Variants in TXNL1 observed in about 807,000 individuals in gnomAD.
TXNL1 encodes the protein thioredoxin-like protein 1.
A neutral mutation model predicts 35.5 loss-of-function variants in TXNL1; 14 were observed. The ratio of observed to expected loss-of-function variants is 0.39; its 90% CI spans 0.26 to 0.62. The LOEUF (loss-of-function observed/expected upper bound fraction) is 0.62, where lower values mean the gene tolerates loss of function less well. Ranked by LOEUF, TXNL1 falls within the 20% of genes least tolerant of loss-of-function variation. The pLI is 0.47. For missense variants in TXNL1, 263 were observed against 349.7 expected (o/e 0.75, Z 1.98); for synonymous variants, 110 against 115.5 (o/e 0.95, Z 0.31).
At chr18:56,638,034 C>G (rs1029987) in intron 1 of TXNL1, among the ~76,000 whole-genome samples, 92,163 of 152,068 alleles carry the variant, frequency 0.61, 32,967 homozygotes, top group Non-Finnish European at 0.78. Context: ...CGGAGACTCC[C>G]ACAGGCTGGA....
At chr18:56,625,573 T>C (rs1353001102) in intron 2 of TXNL1, among the ~76,000 whole-genome samples, 4 of 152,248 alleles carry the variant, frequency 2.6e-5, no homozygotes, top group South Asian at 2.1e-4. Context: ...ATTCTAGAAA[T>C]AGTGATTAAA....
Position 56,610,864 on chromosome 18 carries a change from G to A in TXNL1, c.840+129C>T, listed in dbSNP as rs969183012. On this transcript the variant is annotated intron_variant, in intron 7 of 7. Transcript: ENST00000217515. ...GAACTTTCTATCCTAGTTTAGCCTT[G>A]TAAAATTTCATGACATGATATAATT... is the stretch of plus-strand genomic sequence containing the variant. The A allele has an allele frequency of 3.2e-5, 19 of 597,286 alleles. No homozygotes were observed. The African/African-American group carries it at 3.7e-4, about 12-fold the overall frequency. The allele number at this position is 597,286 out of a possible 1,614,324, so 37.0% of individuals were successfully genotyped here.
At position 56,597,623 on chromosome 18, in the gene TXNL1, T is replaced by TA. The variant is rs1047197185; in HGVS notation, c.*5403dup. 6.6e-6 allele frequency: 1 copy of TA among 152,240 alleles called. No individual in the cohort carries two copies. Among genetic ancestry groups the TA allele is most frequent in the Non-Finnish European group, 1.5e-5 (1 of 68,040 alleles). 9.4% of individuals were successfully genotyped at this position (152,240 alleles called of 1,614,324 possible). ...GGTTCCTCTTTTCCCAATTCTTTAA[T>TA]ATTTCTTAGGATTCCCTAACATTTG... On this transcript the variant is annotated 3_prime_UTR_variant, in exon 8 of 8. Coordinates refer to ENST00000217515, the MANE Select transcript of TXNL1 (RefSeq NM_004786.3).
At chr18:56,614,191 T>C (rs2024045169) in intron 6 of TXNL1, among the ~76,000 whole-genome samples, 1 of 152,160 alleles carries the variant, frequency 6.6e-6, no homozygotes, top group Non-Finnish European at 1.5e-5. Flanking sequence ...AAACTTACCA[T>C]ATACATATAA....
intron 7 of TXNL1, among the ~76,000 whole-genome samples, chr18:56,605,025 T>A (rs1216009983): frequency 2.9e-5 from 4 of 138,590 alleles, no homozygotes; most frequent in Non-Finnish European, 4.7e-5. Context: ...TATGAAACAG[T>A]AGAAAGTAAA....
intron 3 of TXNL1, among the ~76,000 whole-genome samples, chr18:56,622,483 C>A (rs1392379638): frequency 6.6e-6 from 1 of 152,076 alleles, no homozygotes. Context: ...AATTTAAATA[C>A]TGAATAACCC....
chr18:56,601,802 G>C lies in TXNL1; in HGVS notation c.*1225C>G, dbSNP rs923114701. ...TTAAAAATAGTTTTCAAAATACTCA[G>C]AAATTTTAAAATTAAAACTACCAAT... On this transcript the variant is annotated 3_prime_UTR_variant, in exon 8 of 8. Transcript: ENST00000217515. The C allele has an allele frequency of 6.6e-6, 1 of 152,082 alleles. No homozygotes were observed. The highest frequency in any genetic ancestry group is 6.5e-5 in the Admixed American group (1 of 15,280). 9.4% of individuals were successfully genotyped at this position (152,082 alleles called of 1,614,324 possible). A position where few individuals can be genotyped will look rare whatever the true frequency, so the allele number is the denominator to read the frequency against.
rs570419975 is a variant in TXNL1 at position 56,598,751 on chromosome 18, T to C, written c.*4276A>G. ...AGAAGATACTTATCCTTGTTCCAGA[T>C]ACAAAGTAAGGCGCATCTTCAGAAC... is the stretch of plus-strand genomic sequence containing the variant. On this transcript the variant is annotated 3_prime_UTR_variant, in exon 8 of 8. Coordinates refer to ENST00000217515, the MANE Select transcript of TXNL1 (RefSeq NM_004786.3). The C allele has an allele frequency of 4.6e-5, 7 of 152,188 alleles. No homozygotes were observed. The highest frequency in any genetic ancestry group is 4.4e-5 in the Non-Finnish European group (3 of 68,032). 9.4% of individuals were successfully genotyped at this position (152,188 alleles called of 1,614,324 possible).
chr18:56,604,617 T>C (rs1012142633), intron 7 of TXNL1: 3 of 152,184 alleles, frequency 2.0e-5, no homozygotes, highest in African/African-American at 7.2e-5. Flanking sequence ...GTAAAAAATA[T>C]TTATTCAGTA....
At chr18:56,622,177 T>C (rs190591070) in intron 3 of TXNL1, among the ~76,000 whole-genome samples, 550 of 152,158 alleles carry the variant, frequency 3.6e-3, no homozygotes, top group Non-Finnish European at 5.4e-3. Flanking sequence ...AAATGTTCAA[T>C]AGACAAGTGT....
chr18:56,619,738 T>C (rs1476677801), intron 3 of TXNL1, among the ~76,000 whole-genome samples: 1 of 152,104 alleles, frequency 6.6e-6, no homozygotes, highest in African/African-American at 2.4e-5. Context: ...TTAACAGCGG[T>C]TGGTCATGCT....
At chr18:56,618,286 T>A (rs760759908) in intron 3 of TXNL1, among the ~76,000 whole-genome samples, 160 bp from the exon 4 acceptor site, 57 of 152,078 alleles carry the variant, frequency 3.7e-4, no homozygotes, top group Admixed American at 3.7e-3. Context: ...CATTTCTGAC[T>A]GAGATCTACC....
chr18:56,619,735 C>T (rs994256542), intron 3 of TXNL1, among the ~76,000 whole-genome samples: 14 of 152,074 alleles, frequency 9.2e-5, no homozygotes, highest in African/African-American at 2.7e-4. Flanking sequence ...GTGTTAACAG[C>T]GGTTGGTCAT....
At position 56,602,844 on chromosome 18, in the gene TXNL1, C is replaced by CT. The variant is rs1465400908; in HGVS notation, c.*182dup. On this transcript the variant is annotated 3_prime_UTR_variant, in exon 8 of 8. Transcript: ENST00000217515. Reference sequence around the variant, plus strand: ...AAATTAAGCTTGGCAAAAGTGGTGACTTTTATTTACAATTGCATGTGTCAA... The same window carrying CT: ...AAATTAAGCTTGGCAAAAGTGGTGACTTTTTATTTACAATTGCATGTGTCAA... The CT allele has an allele frequency of 2.9e-6, 2 of 688,634 alleles. No individual in the cohort carries two copies. Among genetic ancestry groups the CT allele is most frequent in the African/African-American group, 1.8e-5 (1 of 54,242 alleles). 42.7% of individuals were successfully genotyped at this position (688,634 alleles called of 1,614,324 possible).
At chr18:56,628,445 A>G (rs1568108060) in intron 1 of TXNL1, among the ~76,000 whole-genome samples, 1 of 152,216 alleles carries the variant, frequency 6.6e-6, no homozygotes, top group African/African-American at 2.4e-5. Context: ...TCTTATCAAC[A>G]AAAGAATGGG....
At chr18:56,626,241 T>C in intron 2 of TXNL1, 120 bp downstream of exon 2, 1 of 1,459,492 alleles carries the variant, frequency 6.9e-7, no homozygotes, top group Non-Finnish European at 9.0e-7. Flanking sequence ...CAACATAACA[T>C]CTTCCTATCT....
In TXNL1 at chr18:56,624,391, T is replaced by G; in HGVS notation, c.266A>C (p.Asp89Ala). Reference protein sequence around the residue: ...FLFFRNKVRIDQYQGADAVGL... With the variant: ...FLFFRNKVRIAQYQGADAVGL... ...CACAGCATCTGCTCCTTGATATTGA[T>G]CAATTCTCACTTTGTTTCGAAAAAA... Residue 89 changes from aspartate to alanine, a missense_variant, in exon 3 of 8, where the codon GAT (aspartate) becomes GCT (alanine). Asp to Ala is a moderately radical substitution (Grantham distance 126). Coordinates refer to ENST00000217515, the MANE Select transcript of TXNL1 (RefSeq NM_004786.3). The G allele has an allele frequency of 6.2e-7, 1 of 1,613,908 alleles. No homozygotes were observed. Among genetic ancestry groups the G allele is most frequent in the Non-Finnish European group, 8.5e-7 (1 of 1,179,866 alleles).
chr18:56,607,321 A>AT lies in TXNL1; in HGVS notation c.840+3671dup, dbSNP rs772856471. ...GTGCACCCACCGTCTTGCATGGGTAATTTTTTTTTTTTTTTAAATAGAGAT... is the reference window on the plus strand; with the variant it reads ...GTGCACCCACCGTCTTGCATGGGTAATTTTTTTTTTTTTTTTAAATAGAGAT... On this transcript the variant is annotated intron_variant, in intron 7 of 7. Coordinates refer to ENST00000217515, the MANE Select transcript of TXNL1 (RefSeq NM_004786.3). 4.7e-3 allele frequency among the ~76,000 whole-genome samples: 667 copies of AT among 141,842 alleles called. 4 individuals are homozygous for AT. The highest frequency in any genetic ancestry group is 3.0e-3 in the Admixed American group (42 of 14,138). The allele number at this position is 141,842 out of a possible 152,430, so 93.1% of individuals were successfully genotyped here. A position where few individuals can be genotyped will look rare whatever the true frequency, so the allele number is the denominator to read the frequency against.
Position 56,616,250 on chromosome 18 carries a change from T to C in TXNL1, c.557A>G (p.Asp186Gly), listed in dbSNP as rs748483196. The C allele has an allele frequency of 7.4e-6, 12 of 1,613,432 alleles. No homozygotes were observed. The highest frequency in any genetic ancestry group is 6.7e-5 in the Admixed American group (4 of 60,000). The change falls in exon 5 of 8, where the codon GAT becomes GGT. Residue 186 changes from aspartate (D) to glycine (G), a missense_variant. Asp to Gly is a moderately conservative substitution (Grantham distance 94). Transcript: ENST00000217515. ...AAAAGCTATCCTTTACTCACCATTATCTGGCCCTTGAAATTTCATGGAATA... is the reference window on the plus strand; with the variant it reads ...AAAAGCTATCCTTTACTCACCATTACCTGGCCCTTGAAATTTCATGGAATA... ...KLYSMKFQGP[D>G]NGQGPKYVKI...
Sources: allele counts gnomAD v4.1 joint callset (sites outside exome capture counted in the v4.1 genomes callset), GRCh38; gene constraint gnomAD v4.1.1; transcripts MANE v1.5; gene names NCBI Gene and HGNC (gene_info 2026-07-23, HGNC 2026-07-21).